MDGA2: variants seen among roughly 807,000 people sequenced by gnomAD.
MDGA2 encodes the protein MAM domain-containing glycosylphosphatidylinositol anchor protein 2.
In MDGA2, 40 loss-of-function variants were observed where a neutral mutation model predicts 117.8. That is an observed-to-expected ratio of 0.34 (90% CI 0.26 to 0.44). The LOEUF is 0.44. Among genes scored for constraint, MDGA2 ranks in the 20% least tolerant of loss-of-function variants. MDGA2 has a pLI of 1.00. For synonymous variants in MDGA2, 452 were observed against 439.0 expected (o/e 1.03, Z -0.37); for missense variants, 1,123 against 1,250.6 (o/e 0.90, Z 1.54).
At chr14:47,496,371 T>C (rs1187758738) in intron 1 of MDGA2, among the ~76,000 whole-genome samples, 1 of 152,066 alleles carries the variant, frequency 6.6e-6, no homozygotes, top group African/African-American at 2.4e-5. Flanking sequence ...GCCTCCCAAG[T>C]AGGTGGGTCT....
At chr14:46,923,585 A>G (rs1024166591) in intron 9 of MDGA2, among the ~76,000 whole-genome samples, 4 of 152,098 alleles carry the variant, frequency 2.6e-5, no homozygotes, top group Non-Finnish European at 5.9e-5. Flanking sequence ...GTAATTGCTA[A>G]TGAGAAATAA....
rs1894890216 is a variant in MDGA2 at position 47,522,407 on chromosome 14, G to A, written c.280+152110C>T. 2.0e-5 allele frequency among the ~76,000 whole-genome samples: 3 copies of A among 151,248 alleles called. No homozygotes were observed. In the South Asian group the frequency reaches 6.2e-4, roughly 31 times the overall value. ...CACACAATTAAATATCAGTAGAAAT[G>A]CTATGTTCAGTTGGAAGTGTTCTCT... On this transcript the variant is annotated intron_variant, in intron 1 of 16. Transcript: ENST00000399232.
chr14:47,233,566 T>C (rs564993691), intron 2 of MDGA2, among the ~76,000 whole-genome samples: 38 of 152,190 alleles, frequency 2.5e-4, no homozygotes, highest in Middle Eastern at 3.4e-3. Context: ...ATGTGATATG[T>C]AGTATGAGTA....
At chr14:47,238,802 A>G (rs1886949433) in intron 2 of MDGA2, among the ~76,000 whole-genome samples, 1 of 151,824 alleles carries the variant, frequency 6.6e-6, no homozygotes, top group Non-Finnish European at 1.5e-5. Flanking sequence ...TAAAAACAAA[A>G]TAAAACAACC....
intron 3 of MDGA2, among the ~76,000 whole-genome samples, chr14:47,170,883 G>C (rs1442656941): frequency 6.6e-6 from 1 of 152,010 alleles, no homozygotes; most frequent in Non-Finnish European, 1.5e-5. Context: ...TTAAGTTAAC[G>C]ACGTGAACAA....
At chr14:46,851,105 T>C (rs1214825034) in intron 15 of MDGA2, among the ~76,000 whole-genome samples, 1 of 151,860 alleles carries the variant, frequency 6.6e-6, no homozygotes. Flanking sequence ...TAAGCATTTG[T>C]ATCTTAATTT....
chr14:47,606,682 A>G (rs1896749435), intron 1 of MDGA2, among the ~76,000 whole-genome samples: 1 of 152,140 alleles, frequency 6.6e-6, no homozygotes, highest in African/African-American at 2.4e-5. Context: ...TACAGTGCAC[A>G]GTATACTTAT....
At chr14:46,874,810 T>TTTGAAGGACTGTGA (rs1284173994) in intron 12 of MDGA2, among the ~76,000 whole-genome samples, 1 of 151,768 alleles carries the variant, frequency 6.6e-6, no homozygotes, top group Non-Finnish European at 1.5e-5. Context: ...TTTTAAAGAC[T>TTTGAAGGACTGTGA]TTGAAGGACT....
intron 1 of MDGA2, among the ~76,000 whole-genome samples, chr14:47,588,229 G>GAGAT (rs1555334158): frequency 2.9e-5 from 3 of 101,964 alleles, no homozygotes; most frequent in Admixed American, 1.1e-4. Flanking sequence ...ATCTCTTGGA[G>GAGAT]ATAGATAGAT....
intron 1 of MDGA2, among the ~76,000 whole-genome samples, chr14:47,561,156 T>TGG (rs1566515930): frequency 1.4e-5 from 1 of 72,866 alleles, no homozygotes; most frequent in African/African-American, 3.9e-5. Flanking sequence ...TTTTTTTGTT[T>TGG]TGTTTTGTTT....
chr14:47,632,521 G>A (rs1897259808), intron 1 of MDGA2, among the ~76,000 whole-genome samples: 1 of 152,070 alleles, frequency 6.6e-6, no homozygotes, highest in Non-Finnish European at 1.5e-5. Flanking sequence ...ACTGTAAAAG[G>A]TCATGTTTCT....
chr14:46,846,645 A>AT (rs1476441785), intron 15 of MDGA2, among the ~76,000 whole-genome samples: 2 of 152,078 alleles, frequency 1.3e-5, no homozygotes, highest in East Asian at 3.8e-4. Flanking sequence ...AAATTTATAT[A>AT]TTTTTTATTT....
intron 1 of MDGA2, among the ~76,000 whole-genome samples, chr14:47,609,428 C>CACATAT (rs1477357010): frequency 5.7e-4 from 10 of 17,558 alleles, no homozygotes; most frequent in Admixed American, 9.4e-4. Context: ...AGTATTCCAT[C>CACATAT]ATATATATAT....
chr14:47,343,282 ATGTTAACTAAGTTCTAAG>A (rs1890688090), intron 1 of MDGA2: 2 of 1,132,548 alleles, frequency 1.8e-6, no homozygotes, highest in African/African-American at 1.6e-5. Context: ...CAGGAAGGCA[ATGTTAACTAAGTTCTAAG>A]TAGTAATGAG....
intron 1 of MDGA2, among the ~76,000 whole-genome samples, chr14:47,441,963 C>A (rs1401816354): frequency 2.0e-5 from 3 of 152,018 alleles, no homozygotes; most frequent in African/African-American, 7.2e-5. Context: ...AAATAGATAA[C>A]CCAGTCAAGT....
intron 2 of MDGA2, among the ~76,000 whole-genome samples, chr14:47,245,902 TACTC>T (rs1374553279): frequency 2.0e-5 from 3 of 151,798 alleles, no homozygotes; most frequent in Non-Finnish European, 4.4e-5. Context: ...ACTCATTTAA[TACTC>T]ACAACAACTC....
intron 1 of MDGA2, among the ~76,000 whole-genome samples, chr14:47,351,159 G>A (rs1890871922): frequency 6.8e-6 from 1 of 147,366 alleles, no homozygotes; most frequent in Non-Finnish European, 1.5e-5. Context: ...TCTCACCCCC[G>A]CAACCTCTGC....
At chr14:47,625,197 T>A (rs1416321950) in intron 1 of MDGA2, among the ~76,000 whole-genome samples, 2 of 152,148 alleles carry the variant, frequency 1.3e-5, no homozygotes, top group African/African-American at 2.4e-5. Context: ...CTTGGAATGC[T>A]TTTCTTTAGC....
intron 2 of MDGA2, among the ~76,000 whole-genome samples, chr14:47,254,145 G>A (rs1328014067): frequency 2.0e-5 from 3 of 152,196 alleles, no homozygotes; most frequent in Non-Finnish European, 2.9e-5. Context: ...GGGAGAGGCT[G>A]CCATGAAGGT....
Sources: allele counts gnomAD v4.1 joint callset (sites outside exome capture counted in the v4.1 genomes callset), GRCh38; gene constraint gnomAD v4.1.1; transcripts MANE v1.5; gene names NCBI Gene and HGNC (gene_info 2026-07-23, HGNC 2026-07-21).